Variants in MAMDC2 observed in about 807,000 individuals in gnomAD.
The protein encoded by MAMDC2 is MAM domain containing 2, also known as MAM domain-containing protein 2.
In MAMDC2, 57 loss-of-function variants were observed where a neutral mutation model predicts 89.8. The ratio of observed to expected loss-of-function variants is 0.63; its 90% confidence interval spans 0.51 to 0.79. The LOEUF (loss-of-function observed/expected upper bound fraction) is 0.79. Among genes scored for constraint, MAMDC2 ranks in the 30% least tolerant of loss-of-function variants. MAMDC2 has a pLI of 0.00. For synonymous variants in MAMDC2, 313 were observed against 293.4 expected (o/e 1.07, Z -0.68); for missense variants, 800 against 820.6 (o/e 0.97, Z 0.31).
intron 2 of MAMDC2, among the ~76,000 whole-genome samples, chr9:70,052,447 T>C (rs1826930648): frequency 6.6e-6 from 1 of 152,236 alleles, no homozygotes; most frequent in South Asian, 2.1e-4. Flanking sequence ...CCCATGCTCA[T>C]CTATTTAGGT....
intron 11 of MAMDC2, among the ~76,000 whole-genome samples, chr9:70,196,073 C>T (rs1006529087): frequency 6.6e-6 from 1 of 152,026 alleles, no homozygotes; most frequent in Non-Finnish European, 1.5e-5. Context: ...CTTAACGTGG[C>T]GGCAAGGCAA....
chr9:70,044,356 C>T (rs1731532002), intron 1 of MAMDC2, 125 bp downstream of exon 1: 11 of 1,110,214 alleles, frequency 9.9e-6, no homozygotes. Flanking sequence ...TGATCCTCCG[C>T]AGCCGCTAAC....
intron 9 of MAMDC2, chr9:70,153,679 C>T (rs904605136): frequency 6.6e-6 from 1 of 152,092 alleles, no homozygotes; most frequent in Non-Finnish European, 1.5e-5. Context: ...TCATTAAAAT[C>T]TTCATGGTAA....
intron 11 of MAMDC2, among the ~76,000 whole-genome samples, chr9:70,199,053 TC>T (rs1165158652): frequency 0.011 from 11 of 1,032 alleles, no homozygotes; most frequent in East Asian, 0.2. Flanking sequence ...ATTTTTTTTT[TC>T]GTTTGTTTTT....
intron 5 of MAMDC2, among the ~76,000 whole-genome samples, chr9:70,124,441 A>G (rs1339527060): frequency 6.6e-6 from 1 of 152,164 alleles, no homozygotes; most frequent in Non-Finnish European, 1.5e-5. Context: ...ATATTCAAAG[A>G]AGATTATTCA....
At chr9:70,203,212 T>G (rs1420062328) in intron 11 of MAMDC2, among the ~76,000 whole-genome samples, 1 of 152,182 alleles carries the variant, frequency 6.6e-6, no homozygotes, top group African/African-American at 2.4e-5. Flanking sequence ...CCTTTCCATG[T>G]TTAGCGCTTC....
At chr9:70,144,353 G>A (rs1307975067) in intron 9 of MAMDC2, among the ~76,000 whole-genome samples, 1 of 152,134 alleles carries the variant, frequency 6.6e-6, no homozygotes, top group African/African-American at 2.4e-5. Context: ...ATTTACATAA[G>A]GGAACCGTCA....
intron 2 of MAMDC2, among the ~76,000 whole-genome samples, chr9:70,066,550 C>T (rs757165080): frequency 1.2e-4 from 18 of 152,080 alleles, no homozygotes; most frequent in African/African-American, 2.9e-4. Flanking sequence ...ACAGTTCAGA[C>T]AAGAGATCAT....
chr9:70,054,332 G>A (rs1826978341), intron 2 of MAMDC2, among the ~76,000 whole-genome samples: 1 of 152,156 alleles, frequency 6.6e-6, no homozygotes, highest in Non-Finnish European at 1.5e-5. Flanking sequence ...GTATAGGAAG[G>A]AGATGGGGAC....
intron 5 of MAMDC2, among the ~76,000 whole-genome samples, chr9:70,117,090 T>C (rs1054211345): frequency 6.6e-6 from 1 of 152,208 alleles, no homozygotes; most frequent in African/African-American, 2.4e-5. Context: ...CAGGGGATTA[T>C]ATAGTAAGTC....
intron 5 of MAMDC2, among the ~76,000 whole-genome samples, chr9:70,119,567 T>A (rs2030191812): frequency 6.6e-6 from 1 of 152,216 alleles, no homozygotes; most frequent in South Asian, 2.1e-4. Context: ...TTGGATGACT[T>A]ACTGTGGCTT....
chr9:70,131,502 G>T lies in MAMDC2; in HGVS notation c.901-17G>T. 1.3e-6 allele frequency: 2 copies of T among 1,564,198 alleles called. No homozygotes were observed. Among genetic ancestry groups the T allele is most frequent in the Non-Finnish European group, 1.7e-6 (2 of 1,152,260 alleles). ...AAAATATGTGAACATGTGACAGCAT[G>T]CCATTTTCCTCTGCAGGTTATTTTT... On this transcript the variant is annotated splice_polypyrimidine_tract_variant and intron_variant, in intron 6 of 13. Transcript: ENST00000377182.
At chr9:70,062,772 T>A (rs1474321535) in intron 2 of MAMDC2, 2 of 152,180 alleles carry the variant, frequency 1.3e-5, no homozygotes, top group Non-Finnish European at 2.9e-5. Context: ...GCTATTTCCA[T>A]CAGAATAAAT....
intron 2 of MAMDC2, chr9:70,088,190 C>T (rs1827813763): frequency 6.6e-6 from 1 of 152,102 alleles, no homozygotes; most frequent in Non-Finnish European, 1.5e-5. Context: ...CCAAGAAAGG[C>T]TTATAGCTGG....
intron 2 of MAMDC2, among the ~76,000 whole-genome samples, chr9:70,083,148 T>C (rs917086776): frequency 2.0e-5 from 3 of 152,304 alleles, no homozygotes; most frequent in South Asian, 4.1e-4. Context: ...TGGCCAACTT[T>C]TGAAAACTGT....
intron 11 of MAMDC2, among the ~76,000 whole-genome samples, chr9:70,183,495 CT>C (rs2032686871): frequency 6.6e-6 from 1 of 152,088 alleles, no homozygotes; most frequent in Non-Finnish European, 1.5e-5. Flanking sequence ...CTTTGTATGT[CT>C]TTAGGAACTT....
chr9:70,218,298 G>A (rs564605230), intron 11 of MAMDC2, 39 bp from the exon 12 acceptor site: 1 of 1,568,012 alleles, frequency 6.4e-7, no homozygotes, highest in East Asian at 2.3e-5. Flanking sequence ...TGTAATTTGT[G>A]TCCTTTTTAA....
At chr9:70,203,238 T>C (rs544495842) in intron 11 of MAMDC2, among the ~76,000 whole-genome samples, 1 of 152,336 alleles carries the variant, frequency 6.6e-6, no homozygotes, top group Admixed American at 6.5e-5. Context: ...GGAGCTCTTT[T>C]AGGGCAGGCC....
At chr9:70,184,516 A>G (rs994669710) in intron 11 of MAMDC2, among the ~76,000 whole-genome samples, 11 of 151,958 alleles carry the variant, frequency 7.2e-5, no homozygotes, top group African/African-American at 2.7e-4. Context: ...TTTCAGGTAC[A>G]CCAATCAGTC....
Sources: allele counts gnomAD v4.1 joint callset (sites outside exome capture counted in the v4.1 genomes callset), GRCh38; gene constraint gnomAD v4.1.1; transcripts MANE v1.5; gene names NCBI Gene and HGNC (gene_info 2026-07-23, HGNC 2026-07-21).